The following ENTREP2 variants were observed in gnomAD, a reference collection of about 807,000 sequenced individuals.
ENTREP2 encodes protein ENTREP2.
the ENTREP2 span, among the ~76,000 whole-genome samples, chr15:29,545,018 T>C: frequency 2.1e-3 from 315 of 152,294 alleles, no homozygotes; most frequent in African/African-American, 7.3e-3. Context: ...CAACTGAGAC[T>C]GCACACTACT....
At chr15:29,617,182 A>AG in the ENTREP2 span, among the ~76,000 whole-genome samples, 1 of 152,196 alleles carries the variant, frequency 6.6e-6, no homozygotes, top group Non-Finnish European at 1.5e-5. Flanking sequence ...CGGGAAAGCC[A>AG]GGGGTGTACT....
At chr15:29,180,041 C>G in the ENTREP2 span, among the ~76,000 whole-genome samples, 2 of 151,990 alleles carry the variant, frequency 1.3e-5, no homozygotes, top group African/African-American at 4.8e-5. Context: ...TCTACAGAGA[C>G]GATCATGATG....
the ENTREP2 span, among the ~76,000 whole-genome samples, chr15:29,276,324 C>A: frequency 6.6e-6 from 1 of 152,224 alleles, no homozygotes; most frequent in Non-Finnish European, 1.5e-5. Flanking sequence ...TATAAAATTA[C>A]AAACATCCAA....
At chr15:29,378,464 T>C in the ENTREP2 span, among the ~76,000 whole-genome samples, 1 of 152,228 alleles carries the variant, frequency 6.6e-6, no homozygotes, top group Non-Finnish European at 1.5e-5. Context: ...GCTGTGAAAG[T>C]ATTTTTGTAG....
At chr15:29,376,459 A>C in the ENTREP2 span, 2 of 152,212 alleles carry the variant, frequency 1.3e-5, no homozygotes, top group Admixed American at 1.3e-4. Flanking sequence ...AGATTTAAAA[A>C]AAAAACTATC....
chr15:29,399,786 TAAAGAGA>T, the ENTREP2 span, among the ~76,000 whole-genome samples: 1 of 152,114 alleles, frequency 6.6e-6, no homozygotes, highest in Non-Finnish European at 1.5e-5. Context: ...ATTCTTACAA[TAAAGAGA>T]AAAGAAAATG....
At chr15:29,435,521 T>C in the ENTREP2 span, among the ~76,000 whole-genome samples, 1 of 152,130 alleles carries the variant, frequency 6.6e-6, no homozygotes, top group Admixed American at 6.5e-5. Flanking sequence ...TAGGGGATGA[T>C]AAAACTTACC....
chr15:29,674,649 G>A, the ENTREP2 span, among the ~76,000 whole-genome samples: 6 of 151,578 alleles, frequency 4.0e-5, no homozygotes, highest in African/African-American at 1.5e-4. Context: ...AATATCGAGG[G>A]ATGGAAGGGA....
the ENTREP2 span, among the ~76,000 whole-genome samples, chr15:29,358,170 T>C: frequency 5.6e-3 from 854 of 152,204 alleles, 28 homozygotes; most frequent in Admixed American, 0.05. Context: ...AAATATTATA[T>C]ACATGGCCCA....
chr15:29,245,361 G>A, the ENTREP2 span, among the ~76,000 whole-genome samples: 19 of 151,980 alleles, frequency 1.3e-4, no homozygotes, highest in Middle Eastern at 3.4e-3. Flanking sequence ...AATAAAACCC[G>A]AAAATACTGA....
At chr15:29,235,921 C>T in the ENTREP2 span, among the ~76,000 whole-genome samples, 1 of 151,962 alleles carries the variant, frequency 6.6e-6, no homozygotes, top group Non-Finnish European at 1.5e-5. Context: ...CGAGATTGAG[C>T]CACTGCACTC....
chr15:29,169,435 A>G, the ENTREP2 span, among the ~76,000 whole-genome samples: 2 of 152,324 alleles, frequency 1.3e-5, no homozygotes, highest in South Asian at 4.1e-4. Flanking sequence ...AGTACACCAC[A>G]TTACTTGTGT....
chr15:29,423,123 T>C, the ENTREP2 span, among the ~76,000 whole-genome samples: 2 of 152,132 alleles, frequency 1.3e-5, no homozygotes, highest in Non-Finnish European at 2.9e-5. Context: ...CAAGCTAAAA[T>C]GCACACCACA....
At chr15:29,335,432 A>T in the ENTREP2 span, among the ~76,000 whole-genome samples, 1 of 152,190 alleles carries the variant, frequency 6.6e-6, no homozygotes, top group Non-Finnish European at 1.5e-5. Context: ...ACTCTTTAAC[A>T]GCTCTCTGAA....
chr15:29,192,026 A>G, the ENTREP2 span, among the ~76,000 whole-genome samples: 2 of 152,172 alleles, frequency 1.3e-5, no homozygotes, highest in East Asian at 3.9e-4. Context: ...TACTCTGCCA[A>G]TTACTGTGCC....
At chr15:29,584,525 A>G in the ENTREP2 span, among the ~76,000 whole-genome samples, 1 of 152,198 alleles carries the variant, frequency 6.6e-6, no homozygotes, top group Non-Finnish European at 1.5e-5. Context: ...AACAACATAT[A>G]TGAACACAGA....
chr15:29,421,845 AAAAGG>A, the ENTREP2 span, among the ~76,000 whole-genome samples: 5 of 152,242 alleles, frequency 3.3e-5, no homozygotes. Flanking sequence ...TCAAAATACC[AAAAGG>A]ATTAACATCA....
chr15:29,455,283 T>C, the ENTREP2 span, among the ~76,000 whole-genome samples: 1 of 152,120 alleles, frequency 6.6e-6, no homozygotes, highest in Non-Finnish European at 1.5e-5. Context: ...AGGCCATCAA[T>C]GCACGACCAT....
At chr15:29,131,801 C>T in the ENTREP2 span, among the ~76,000 whole-genome samples, 1 of 148,754 alleles carries the variant, frequency 6.7e-6, no homozygotes, top group African/African-American at 2.5e-5. Context: ...CGTCAGTGGC[C>T]CCTGAACCAT....
Sources: allele counts gnomAD v4.1 joint callset (sites outside exome capture counted in the v4.1 genomes callset), GRCh38; gene constraint gnomAD v4.1.1; transcripts MANE v1.5; gene names NCBI Gene and HGNC (gene_info 2026-07-23, HGNC 2026-07-21).